NIBAN1: variants seen among roughly 807,000 people sequenced by gnomAD.
NIBAN1 encodes the protein niban apoptosis regulator 1, also known as protein Niban 1.
NIBAN1 carries 81 observed loss-of-function variants against 75.1 expected under a neutral mutation model. That is an observed-to-expected ratio of 1.08 (90% CI 0.90 to 1.30). The LOEUF is 1.30. Among genes scored for constraint, NIBAN1 ranks in the 50% most tolerant of loss-of-function variants. The probability of loss-of-function intolerance (pLI) is 0.00; values close to 1 mark genes in which losing one functional copy is unlikely to be tolerated. For missense variants in NIBAN1, 1,133 were observed against 1,128.1 expected, an observed-to-expected ratio of 1.00 and a Z score of -0.06; for synonymous variants, 436 against 424.8, an observed-to-expected ratio of 1.03 and a Z score of -0.32.
intron 1 of NIBAN1, among the ~76,000 whole-genome samples, chr1:184,901,968 T>A (rs1656968086): frequency 1.3e-5 from 2 of 152,180 alleles, no homozygotes; most frequent in Non-Finnish European, 2.9e-5. Flanking sequence ...GGGGGGAACC[T>A]AAAGTTATTT....
chr1:184,866,023 G>A (rs747485508), intron 5 of NIBAN1, among the ~76,000 whole-genome samples: 2 of 151,994 alleles, frequency 1.3e-5, no homozygotes, highest in Non-Finnish European at 2.9e-5. Context: ...TTTTTCAAAT[G>A]ATGACCTACT....
At chr1:184,833,830 G>T (rs1295092033) in intron 5 of NIBAN1, among the ~76,000 whole-genome samples, 1 of 150,264 alleles carries the variant, frequency 6.7e-6, no homozygotes, top group Non-Finnish European at 1.5e-5. Flanking sequence ...CATGTTTCAA[G>T]AATCAAGGTT....
chr1:184,908,116 G>A (rs1657150896), intron 1 of NIBAN1, among the ~76,000 whole-genome samples: 2 of 152,130 alleles, frequency 1.3e-5, no homozygotes, highest in South Asian at 2.1e-4. Context: ...TACCCTCATA[G>A]AGGTCCCAAA....
chr1:184,794,042 G>A lies in NIBAN1; in HGVS notation c.*935C>T, dbSNP rs1653765675. 6.6e-6 allele frequency: 1 copy of A among 151,500 alleles called. No individual in the cohort carries two copies. The highest frequency in any genetic ancestry group is 6.6e-5 in the Admixed American group (1 of 15,214). The allele number at this position is 151,500 out of a possible 1,614,324, so 9.4% of individuals were successfully genotyped here. ...TGTCATAGTTTAAAAATTGGCATAT[G>A]TTCTCTTCCAGATTAAATTCCCTTG... is the stretch of plus-strand genomic sequence containing the variant. On this transcript the variant is annotated 3_prime_UTR_variant, in exon 14 of 14. Transcript: ENST00000367511.
chr1:184,867,119 T>C (rs1247738233), intron 5 of NIBAN1, among the ~76,000 whole-genome samples: 2 of 151,944 alleles, frequency 1.3e-5, no homozygotes, highest in Non-Finnish European at 2.9e-5. Context: ...AGCTGAGGTA[T>C]AGCCCCCATC....
chr1:184,805,550 T>C (rs1654171009), intron 11 of NIBAN1, among the ~76,000 whole-genome samples: 1 of 152,258 alleles, frequency 6.6e-6, no homozygotes, highest in African/African-American at 2.4e-5. Flanking sequence ...TTCTGATTTT[T>C]CAAAATCAAT....
intron 7 of NIBAN1, 41 bp downstream of exon 7, chr1:184,823,597 C>T: frequency 6.3e-7 from 1 of 1,594,444 alleles, no homozygotes; most frequent in Non-Finnish European, 8.6e-7. Flanking sequence ...AGAATGTTCC[C>T]ATTTTGAGTA....
At chr1:184,856,320 C>A (rs1038204136) in intron 5 of NIBAN1, among the ~76,000 whole-genome samples, 2 of 152,082 alleles carry the variant, frequency 1.3e-5, no homozygotes, top group African/African-American at 4.8e-5. Context: ...TGTAAAATGG[C>A]AATCTTATTC....
chr1:184,945,660 T>C (rs1413128952), intron 1 of NIBAN1, among the ~76,000 whole-genome samples: 1 of 152,240 alleles, frequency 6.6e-6, no homozygotes, highest in African/African-American at 2.4e-5. Context: ...CTTTTAATGA[T>C]TTGCTACTTT....
At position 184,855,455 on chromosome 1, in the gene NIBAN1, A is replaced by AT. The variant is rs199891269; in HGVS notation, c.602-23494dup. Among the ~76,000 whole-genome samples the AT allele has an allele frequency of 3.5e-4, 53 of 149,518 alleles. No individual in the cohort carries two copies. In the South Asian group the frequency reaches 8.3e-3, roughly 23 times the overall value. On this transcript the variant is annotated intron_variant, in intron 5 of 13. Transcript: ENST00000367511. ...GGTTTTGTTTGTTAATCCCATACTT[A>AT]TTTTTTTTTTAATCTCTCTGATAGC...
In NIBAN1 at chr1:184,795,113, T is replaced by G; in HGVS notation, c.2651A>C (p.Lys884Thr). 1 of 1,614,168 alleles carries G rather than the reference T, an allele frequency of 6.2e-7. No individual in the cohort carries two copies. The highest frequency in any genetic ancestry group is 8.5e-7 in the Non-Finnish European group (1 of 1,180,050). ...ATASVNAEEI[K>T]VARIHECQWV... ...CTGACACTCATGAATACGGGCTACC[T>G]TGATCTCCTCTGCATTCACACTGGC... Residue 884 changes from lysine (K) to threonine (T), a missense_variant, in exon 14 of 14, where the codon AAG (lysine) becomes ACG (threonine). By Grantham distance (78) the Lys-to-Thr change is moderately conservative. Transcript: ENST00000367511.
At chr1:184,946,680 A>T (rs188945686) in intron 1 of NIBAN1, among the ~76,000 whole-genome samples, 1 of 152,366 alleles carries the variant, frequency 6.6e-6, no homozygotes, top group Admixed American at 6.5e-5. Flanking sequence ...TTTCTTTTAA[A>T]AAGCAGAATA....
chr1:184,874,375 C>A (rs1656182066), intron 5 of NIBAN1, among the ~76,000 whole-genome samples: 1 of 151,796 alleles, frequency 6.6e-6, no homozygotes, highest in Non-Finnish European at 1.5e-5. Flanking sequence ...ATGATATATC[C>A]TTTAAATGAT....
intron 1 of NIBAN1, among the ~76,000 whole-genome samples, chr1:184,917,461 G>A (rs1657421692): frequency 2.7e-5 from 4 of 148,320 alleles, no homozygotes; most frequent in South Asian, 2.1e-4. Context: ...CGCCCGCCTC[G>A]GCCTCCCAAA....
At chr1:184,870,924 G>C (rs1028608548) in intron 5 of NIBAN1, among the ~76,000 whole-genome samples, 1 of 152,164 alleles carries the variant, frequency 6.6e-6, no homozygotes, top group Admixed American at 6.5e-5. Context: ...TTGAAATCTT[G>C]ATTCCCCCAA....
At chr1:184,861,895 G>T (rs1472328462) in intron 5 of NIBAN1, among the ~76,000 whole-genome samples, 2 of 152,112 alleles carry the variant, frequency 1.3e-5, no homozygotes, top group African/African-American at 2.4e-5. Flanking sequence ...GAATTAGTGT[G>T]CTCCAGAAAG....
intron 9 of NIBAN1, among the ~76,000 whole-genome samples, chr1:184,816,030 A>G (rs1349709481): frequency 6.6e-6 from 1 of 152,234 alleles, no homozygotes; most frequent in African/African-American, 2.4e-5. Context: ...AGCTGCTGAC[A>G]CTTGTGGCCT....
chr1:184,922,093 AT>A (rs1056936489), intron 1 of NIBAN1, among the ~76,000 whole-genome samples: 2 of 151,660 alleles, frequency 1.3e-5, no homozygotes, highest in East Asian at 1.9e-4. Flanking sequence ...CATCTCCTTC[AT>A]TTTTTTTAAT....
intron 1 of NIBAN1, among the ~76,000 whole-genome samples, chr1:184,904,553 T>C (rs1453526152): frequency 2.0e-5 from 3 of 152,202 alleles, no homozygotes; most frequent in Non-Finnish European, 4.4e-5. Flanking sequence ...GATCCAATCA[T>C]CAGATCTTGC....
Sources: allele counts gnomAD v4.1 joint callset (sites outside exome capture counted in the v4.1 genomes callset), GRCh38; gene constraint gnomAD v4.1.1; transcripts MANE v1.5; gene names NCBI Gene and HGNC (gene_info 2026-07-23, HGNC 2026-07-21).